The following CTNNA2 variants were observed in gnomAD, a reference collection of about 807,000 sequenced individuals.
CTNNA2 encodes catenin alpha 2, also known as catenin alpha-2.
Under a neutral mutation model 101.0 loss-of-function variants are expected in CTNNA2, and 42 were observed. The observed-to-expected ratio is 0.42, with a 90% CI of 0.32 to 0.54. The LOEUF (loss-of-function observed/expected upper bound fraction) is 0.54, where lower values mean the gene tolerates loss of function less well. Among genes scored for constraint, CTNNA2 ranks in the 20% least tolerant of loss-of-function variants. The pLI is 0.14. For missense variants in CTNNA2, 871 were observed against 1,223.1 expected (o/e 0.71, Z 4.29); for synonymous variants, 450 against 456.4 (o/e 0.99, Z 0.18).
chr2:79,397,741 C>CT (rs1420780240), intron 4 of CTNNA2, among the ~76,000 whole-genome samples: 1 of 151,986 alleles, frequency 6.6e-6, no homozygotes, highest in Non-Finnish European at 1.5e-5. Context: ...ATAGCTCACT[C>CT]TAACCTCAAA....
intron 7 of CTNNA2, among the ~76,000 whole-genome samples, chr2:80,229,257 G>A (rs546314136): frequency 6.6e-6 from 1 of 151,998 alleles, no homozygotes; most frequent in Non-Finnish European, 1.5e-5. Context: ...CTCAATTCTG[G>A]TGCTAGCTAA....
chr2:79,282,385 C>T (rs577023140), intron 2 of CTNNA2, among the ~76,000 whole-genome samples: 1 of 152,090 alleles, frequency 6.6e-6, no homozygotes, highest in African/African-American at 2.4e-5. Flanking sequence ...TTAGGTATAT[C>T]TCCCAGTGCT....
At chr2:80,076,419 CA>C (rs1698755966) in intron 7 of CTNNA2, among the ~76,000 whole-genome samples, 1 of 151,990 alleles carries the variant, frequency 6.6e-6, no homozygotes, top group African/African-American at 2.4e-5. Context: ...GCTGGGACCA[CA>C]GATATGTGCC....
intron 7 of CTNNA2, among the ~76,000 whole-genome samples, chr2:80,320,388 C>A (rs1361068539): frequency 2.0e-5 from 3 of 152,318 alleles, no homozygotes; most frequent in Non-Finnish European, 2.9e-5. Flanking sequence ...TAATGTTTAA[C>A]CCACCTCTGC....
intron 2 of CTNNA2, among the ~76,000 whole-genome samples, chr2:79,267,009 A>G (rs2104293890): frequency 6.6e-6 from 1 of 152,276 alleles, no homozygotes; most frequent in East Asian, 1.9e-4. Context: ...AGGCTAATTC[A>G]TATCCTCAGC....
chr2:79,401,927 A>G (rs182042087), intron 4 of CTNNA2, among the ~76,000 whole-genome samples: 17 of 151,818 alleles, frequency 1.1e-4, no homozygotes, highest in Admixed American at 1.1e-3. Flanking sequence ...AAAAACTTCA[A>G]ATTCAGAGAC....
chr2:80,077,866 G>T (rs2148795470), intron 7 of CTNNA2, among the ~76,000 whole-genome samples: 1 of 152,308 alleles, frequency 6.6e-6, no homozygotes, highest in East Asian at 1.9e-4. Context: ...TATCCTGGTT[G>T]CAGGTGTGGT....
intron 4 of CTNNA2, among the ~76,000 whole-genome samples, chr2:79,450,963 A>T (rs896658295): frequency 2.6e-5 from 4 of 152,076 alleles, no homozygotes; most frequent in African/African-American, 9.7e-5. Context: ...TTGCAATGCA[A>T]ATTCATACAC....
At chr2:79,736,117 A>G (rs1467914857) in intron 2 of CTNNA2, among the ~76,000 whole-genome samples, 1 of 152,168 alleles carries the variant, frequency 6.6e-6, no homozygotes, top group African/African-American at 2.4e-5. Context: ...TGAAGCTGAA[A>G]TAAGTCTGTA....
chr2:80,303,544 C>A lies in CTNNA2; in HGVS notation c.1057-89667C>A, dbSNP rs370151178. The A allele has an allele frequency of 6.2e-7, 1 of 1,614,248 alleles. No homozygotes were observed. The highest frequency in any genetic ancestry group is 8.5e-7 in the Non-Finnish European group (1 of 1,180,050). On this transcript the variant is annotated intron_variant, in intron 7 of 18. Coordinates refer to ENST00000402739, the MANE Select transcript of CTNNA2 (RefSeq NM_001282597.3). This position sits in a 1 kb window ranked among gnomAD's most constrained non-coding sequence, Gnocchi z 7.7. ...TGTGATTGTGATCCAGATAGAGCCA[C>A]GTGAGCTGCATTAACCCCGTGAACT...
intron 7 of CTNNA2, among the ~76,000 whole-genome samples, chr2:80,219,235 G>T (rs544378144): frequency 6.6e-6 from 1 of 152,286 alleles, no homozygotes; most frequent in East Asian, 1.9e-4. Context: ...TTTGATTGCA[G>T]TAATTCTGTG....
chr2:79,834,569 A>G (rs1302622151), intron 3 of CTNNA2, among the ~76,000 whole-genome samples: 1 of 151,670 alleles, frequency 6.6e-6, no homozygotes, highest in Non-Finnish European at 1.5e-5. Context: ...CTCCTTTTTC[A>G]TTGGGTTGAT....
At chr2:79,233,883 C>T (rs370102885) in intron 2 of CTNNA2, among the ~76,000 whole-genome samples, 16 of 151,372 alleles carry the variant, frequency 1.1e-4, no homozygotes, top group East Asian at 9.7e-4. Flanking sequence ...TTTTTGTTTT[C>T]TCTTTGCTTG....
intron 7 of CTNNA2, among the ~76,000 whole-genome samples, chr2:79,948,313 A>C (rs1325542009): frequency 1.3e-5 from 2 of 152,202 alleles, no homozygotes; most frequent in African/African-American, 4.8e-5. Flanking sequence ...CACCTAAATC[A>C]TGAAATTAAA....
chr2:80,044,072 C>A (rs535904778), intron 7 of CTNNA2, among the ~76,000 whole-genome samples: 1 of 152,234 alleles, frequency 6.6e-6, no homozygotes, highest in Admixed American at 6.5e-5. Context: ...TCCTCATAGG[C>A]CTTTTCACAA....
At chr2:80,628,545 G>A (rs1391492400) in intron 18 of CTNNA2, among the ~76,000 whole-genome samples, 1 of 151,622 alleles carries the variant, frequency 6.6e-6, no homozygotes. Flanking sequence ...AGCTGAAGTT[G>A]GATCCCTTCC....
chr2:80,139,133 T>C (rs1702859481), intron 7 of CTNNA2, among the ~76,000 whole-genome samples: 1 of 152,202 alleles, frequency 6.6e-6, no homozygotes, highest in African/African-American at 2.4e-5. Context: ...AGTTGGAATA[T>C]GACTGATCCA....
chr2:80,007,364 A>G (rs536923123), intron 7 of CTNNA2, among the ~76,000 whole-genome samples: 2 of 152,326 alleles, frequency 1.3e-5, no homozygotes, highest in Admixed American at 6.5e-5. Context: ...ACTTGAAGAT[A>G]TTATAAATAT....
At chr2:79,257,463 T>C (rs1006302005) in intron 2 of CTNNA2, among the ~76,000 whole-genome samples, 7 of 145,886 alleles carry the variant, frequency 4.8e-5, no homozygotes, top group African/African-American at 1.8e-4. Flanking sequence ...ATGCCCTAAA[T>C]GACAAGCAAT....
Sources: allele counts gnomAD v4.1 joint callset (sites outside exome capture counted in the v4.1 genomes callset), GRCh38; gene constraint gnomAD v4.1.1; non-coding constraint Gnocchi (gnomAD v3.1); transcripts MANE v1.5; gene names NCBI Gene and HGNC (gene_info 2026-07-23, HGNC 2026-07-21).